TSHZ2: variants seen among roughly 807,000 people sequenced by gnomAD.
TSHZ2 encodes the protein teashirt homolog 2.
In TSHZ2, 21 loss-of-function variants were observed where a neutral mutation model predicts 74.4. That is an observed-to-expected ratio of 0.28 (90% CI 0.20 to 0.41). The LOEUF (loss-of-function observed/expected upper bound fraction) is 0.41. Ranked by LOEUF, TSHZ2 falls within the 10% of genes least tolerant of loss-of-function variation. The pLI, the probability that TSHZ2 is intolerant of heterozygous loss-of-function variation, is 1.00. For missense variants in TSHZ2, 1,244 were observed against 1,293.5 expected, an observed-to-expected ratio of 0.96 and a Z score of 0.59; for synonymous variants, 540 against 515.3, an observed-to-expected ratio of 1.05 and a Z score of -0.65.
chr20:53,165,347 G>C (rs1402015916), intron 1 of TSHZ2, among the ~76,000 whole-genome samples: 3 of 152,178 alleles, frequency 2.0e-5, no homozygotes, highest in Non-Finnish European at 2.9e-5. Context: ...GTTTGAACCA[G>C]ATTTGTCTGC....
At chr20:53,211,317 G>T (rs1989297919) in intron 1 of TSHZ2, among the ~76,000 whole-genome samples, 1 of 152,268 alleles carries the variant, frequency 6.6e-6, no homozygotes, top group African/African-American at 2.4e-5. Flanking sequence ...GTGAAACAAA[G>T]CAAAGCAAAA....
At chr20:53,384,352 C>T (rs979742447) in intron 2 of TSHZ2, among the ~76,000 whole-genome samples, 3 of 152,198 alleles carry the variant, frequency 2.0e-5, no homozygotes, top group African/African-American at 2.4e-5. Flanking sequence ...GCTTCATGAA[C>T]GAAGCCATTC....
At chr20:53,085,894 C>T (rs1985684823) in intron 1 of TSHZ2, among the ~76,000 whole-genome samples, 2 of 152,214 alleles carry the variant, frequency 1.3e-5, no homozygotes, top group African/African-American at 4.8e-5. Context: ...AACCACAAGC[C>T]AGGCAGACCT....
intron 1 of TSHZ2, among the ~76,000 whole-genome samples, chr20:53,135,927 C>G (rs1461020900): frequency 6.6e-6 from 1 of 152,158 alleles, no homozygotes; most frequent in Non-Finnish European, 1.5e-5. Flanking sequence ...ATTTCTAGTA[C>G]TTCAGTTTTA....
intron 1 of TSHZ2, among the ~76,000 whole-genome samples, chr20:53,012,211 C>T (rs1213208789): frequency 6.6e-6 from 1 of 152,154 alleles, no homozygotes; most frequent in Non-Finnish European, 1.5e-5. Flanking sequence ...TAATTACCAG[C>T]GAGGTCACTT....
At chr20:53,085,079 T>C (rs1461476745) in intron 1 of TSHZ2, among the ~76,000 whole-genome samples, 1 of 152,022 alleles carries the variant, frequency 6.6e-6, no homozygotes, top group African/African-American at 2.4e-5. Context: ...GAAAAATAGA[T>C]GCTGGGTGTG....
At position 53,254,630 on chromosome 20, in the gene TSHZ2, C is replaced by G; in HGVS notation, c.1172C>G (p.Thr391Ser). Residue 391 changes from threonine (T) to serine (S), a missense_variant, in exon 2 of 3, where the codon ACC becomes AGC. This residue lies in a region of TSHZ2 where 18 missense variants were observed against 42.1 expected (regional missense o/e 0.43). Coordinates refer to ENST00000371497, the MANE Select transcript of TSHZ2 (RefSeq NM_173485.6). The stretch of plus-strand genomic sequence containing the variant: ...ATGGAGTGTGGGAGCTCCCATGACA[C>G]CTTGCAGCAGCTCACCACCCACATG... ...KCMECGSSHD[T>S]LQQLTTHMMV... 6.2e-7 allele frequency: 1 copy of G among 1,614,020 alleles called. No homozygotes were observed. The highest frequency in any genetic ancestry group is 1.1e-5 in the South Asian group (1 of 91,060).
At chr20:53,394,761 CAAA>C (rs3042185) in intron 2 of TSHZ2, among the ~76,000 whole-genome samples, 2 of 72,366 alleles carry the variant, frequency 2.8e-5, no homozygotes, top group Non-Finnish European at 5.2e-5. Flanking sequence ...CAATCTGTCT[CAAA>C]AAAAAAAAAA....
chr20:53,392,427 G>A (rs750881956), intron 2 of TSHZ2, among the ~76,000 whole-genome samples: 2 of 152,220 alleles, frequency 1.3e-5, no homozygotes, highest in Non-Finnish European at 2.9e-5. Context: ...CTGGGCAACA[G>A]AGCGAGACTC....
chr20:53,164,135 AT>A (rs550295899), intron 1 of TSHZ2, among the ~76,000 whole-genome samples: 13 of 147,852 alleles, frequency 8.8e-5, no homozygotes, highest in Admixed American at 2.0e-4. Flanking sequence ...TAGAGCTTCT[AT>A]TTTTTTTTTA....
At chr20:53,381,389 A>G (rs1442086657) in intron 2 of TSHZ2, among the ~76,000 whole-genome samples, 6 of 152,184 alleles carry the variant, frequency 3.9e-5, no homozygotes, top group Admixed American at 1.3e-4. Flanking sequence ...TCCAACTTGT[A>G]TTTGCATCCT....
rs6022488 is a variant in TSHZ2 at position 53,460,069 on chromosome 20, C to T, written c.*9-27075C>T. Among the ~76,000 whole-genome samples, 521 of 152,026 alleles carry T rather than the reference C, an allele frequency of 3.4e-3. 1 individual carries two copies. The highest frequency in any genetic ancestry group is 0.011 in the African/African-American group (471 of 41,432). ...CTCTTCTCAAGGAGTATCTTTGTGG[C>T]GTTCTCTGTATTTCCTGAAGCTGAA... is the stretch of plus-strand genomic sequence containing the variant. On this transcript the variant is annotated intron_variant, in intron 2 of 2. Transcript: ENST00000371497.
At chr20:53,131,830 CCCCCAA>C (rs1987109969) in intron 1 of TSHZ2, among the ~76,000 whole-genome samples, 1 of 115,286 alleles carries the variant, frequency 8.7e-6, no homozygotes, top group African/African-American at 3.5e-5. Context: ...CCCCCCCCCC[CCCCCAA>C]AAAAAAAAAG....
intron 2 of TSHZ2, among the ~76,000 whole-genome samples, chr20:53,400,917 G>C (rs1305297064): frequency 1.3e-5 from 2 of 152,082 alleles, no homozygotes; most frequent in Non-Finnish European, 2.9e-5. Context: ...ATGTTGCCTT[G>C]GTATTCTAAC....
At chr20:53,170,480 A>G (rs148207531) in intron 1 of TSHZ2, among the ~76,000 whole-genome samples, 2 of 152,268 alleles carry the variant, frequency 1.3e-5, no homozygotes, top group East Asian at 3.9e-4. Context: ...AATCTTGACA[A>G]CCTTGACGCT....
chr20:53,035,068 T>C (rs6022237), intron 1 of TSHZ2, among the ~76,000 whole-genome samples: 109,691 of 152,122 alleles, frequency 0.72, 40,524 homozygotes, highest in East Asian at 0.96. Flanking sequence ...CATGAACGAC[T>C]TAGGACGTGG....
chr20:53,384,371 C>A (rs1981967907), intron 2 of TSHZ2, among the ~76,000 whole-genome samples: 1 of 152,188 alleles, frequency 6.6e-6, no homozygotes, highest in African/African-American at 2.4e-5. Context: ...TCACTTTTAG[C>A]CACACGCAGA....
intron 2 of TSHZ2, among the ~76,000 whole-genome samples, chr20:53,307,554 T>C (rs1245751464): frequency 6.6e-6 from 1 of 152,178 alleles, no homozygotes; most frequent in Non-Finnish European, 1.5e-5. Context: ...GGGGAGCTTT[T>C]GCAACATACT....
intron 1 of TSHZ2, among the ~76,000 whole-genome samples, chr20:53,206,090 GAGCCTGTAATCCC>G (rs1198327502): frequency 6.6e-6 from 1 of 152,024 alleles, no homozygotes; most frequent in Non-Finnish European, 1.5e-5. Flanking sequence ...GTGGTGGCAC[GAGCCTGTAATCCC>G]AGCTACTCAG....
Sources: allele counts gnomAD v4.1 joint callset (sites outside exome capture counted in the v4.1 genomes callset), GRCh38; gene constraint gnomAD v4.1.1; regional missense constraint gnomAD v4.1.1; transcripts MANE v1.5; gene names NCBI Gene and HGNC (gene_info 2026-07-23, HGNC 2026-07-21).